The following PIP5K1A variants were observed in gnomAD, a reference collection of about 807,000 sequenced individuals.
PIP5K1A encodes phosphatidylinositol-4-phosphate 5-kinase type 1 alpha.
A neutral mutation model predicts 72.9 loss-of-function variants in PIP5K1A; 46 were observed. The observed-to-expected ratio is 0.63, with a 90% CI of 0.50 to 0.81. The LOEUF (loss-of-function observed/expected upper bound fraction) is 0.81, where lower values mean the gene tolerates loss of function less well. PIP5K1A is among the 30% of genes least tolerant of loss of function. The pLI is 0.00. For synonymous variants in PIP5K1A, 228 were observed against 255.1 expected, an observed-to-expected ratio of 0.89 and a Z score of 1.01; for missense variants, 458 against 706.1, an observed-to-expected ratio of 0.65 and a Z score of 3.98.
At position 151,199,098 on chromosome 1, in the gene PIP5K1A, G is replaced by C; in HGVS notation, c.85+17G>C. 2.5e-6 allele frequency: 4 copies of C among 1,613,994 alleles called. No homozygotes were observed. The South Asian group carries it at 3.3e-5, about 13-fold the overall frequency. On this transcript the variant is annotated intron_variant, in intron 1 of 15. Transcript: ENST00000368888. Reference sequence around the variant, plus strand: ...TGTCCTCAGGTAAGCCCGGCAGGGCGTGGGTAGGGAGCTGGTGAGGAATAT... The same window carrying C: ...TGTCCTCAGGTAAGCCCGGCAGGGCCTGGGTAGGGAGCTGGTGAGGAATAT...
At chr1:151,230,789 C>G (rs587701107) in intron 4 of PIP5K1A, among the ~76,000 whole-genome samples, 1 of 152,368 alleles carries the variant, frequency 6.6e-6, no homozygotes, top group Admixed American at 6.5e-5. Flanking sequence ...GTCTGCCCAC[C>G]TCAGTCTCCC....
At chr1:151,202,267 A>G (rs1685310117) in intron 1 of PIP5K1A, among the ~76,000 whole-genome samples, 2 of 152,320 alleles carry the variant, frequency 1.3e-5, no homozygotes, top group East Asian at 1.9e-4. Flanking sequence ...AGTTTCACCA[A>G]AACTTAAGTG....
chr1:151,195,499 G>T (rs1558218810), upstream of PIP5K1A, among the ~76,000 whole-genome samples: 1 of 152,164 alleles, frequency 6.6e-6, no homozygotes, highest in Non-Finnish European at 1.5e-5. Context: ...GGACACCCCA[G>T]GTACTGAGTG....
At chr1:151,247,738 T>A (rs1029868495) in intron 15 of PIP5K1A, 125 bp from the exon 16 acceptor site, 1 of 801,244 alleles carries the variant, frequency 1.2e-6, no homozygotes, top group Middle Eastern at 2.3e-4. Flanking sequence ...TCTTGTTTTT[T>A]AAAAAATATT....
At chr1:151,200,188 G>GT (rs997576000) in intron 1 of PIP5K1A, among the ~76,000 whole-genome samples, 1 of 151,128 alleles carries the variant, frequency 6.6e-6, no homozygotes, top group Admixed American at 6.6e-5. Context: ...AGAAAGATGG[G>GT]TGGGGGGGTG....
chr1:151,201,657 G>A (rs1317011149), intron 1 of PIP5K1A, among the ~76,000 whole-genome samples: 2 of 151,940 alleles, frequency 1.3e-5, no homozygotes, highest in African/African-American at 4.8e-5. Context: ...TCAGGAGTTC[G>A]AGACCAGCCT....
rs201886237 is a variant in PIP5K1A at position 151,224,395 on chromosome 1, T to C, written c.145T>C (p.Tyr49His). 73 of 1,600,348 alleles carry C rather than the reference T, an allele frequency of 4.6e-5. No individual in the cohort carries two copies. The highest frequency in any genetic ancestry group is 4.5e-5 in the Non-Finnish European group (53 of 1,167,972). ...SEVLEARQDS[Y>H]ISLVPYASGM... ...GGTCTTGGAAGCTAGACAGGATTCTTACATCTCATTGGTAGGCTAGAAATT... is the reference window on the plus strand; with the variant it reads ...GGTCTTGGAAGCTAGACAGGATTCTCACATCTCATTGGTAGGCTAGAAATT... Residue 49 changes from tyrosine to histidine, a missense_variant, in exon 3 of 16, where the codon TAC becomes CAC. Around this residue, in one of 3 missense-constraint regions of PIP5K1A, gnomAD observed 81 missense variants for 88.0 expected, o/e 0.92. Coordinates refer to ENST00000368888, the MANE Select transcript of PIP5K1A (RefSeq NM_001135638.2).
chr1:151,241,365 A>G (rs1294892728), intron 12 of PIP5K1A, among the ~76,000 whole-genome samples: 1 of 149,346 alleles, frequency 6.7e-6, no homozygotes, highest in Non-Finnish European at 1.5e-5. Flanking sequence ...TTAGCCGGGC[A>G]TGGTGGTGGG....
Position 151,231,727 on chromosome 1 carries a change from G to A in PIP5K1A, c.294G>A (p.Gly98=), listed in dbSNP as rs911706595. ...AIQLGITHTV[G]SLSTKPERDV... ...AGTTAGGCATTACCCACACTGTGGG[G>A]AGCCTGAGTACCAAACCAGAGCGTG... Residue 98 remains glycine (G), a synonymous_variant, in exon 5 of 16, where the codon GGG becomes GGA. Coordinates refer to ENST00000368888, the MANE Select transcript of PIP5K1A (RefSeq NM_001135638.2). 2 of 1,613,222 alleles carry A rather than the reference G, an allele frequency of 1.2e-6. No homozygotes were observed. The highest frequency in any genetic ancestry group is 2.2e-5 in the South Asian group (2 of 91,068).
intron 4 of PIP5K1A, among the ~76,000 whole-genome samples, chr1:151,230,098 AAAC>A (rs1478992944): frequency 2.0e-5 from 3 of 152,186 alleles, no homozygotes; most frequent in Non-Finnish European, 4.4e-5. Flanking sequence ...AAGAAAAAAA[AAAC>A]AAAAAACTAG....
intron 1 of PIP5K1A, among the ~76,000 whole-genome samples, chr1:151,214,142 C>T (rs587654289): frequency 5.9e-5 from 9 of 152,116 alleles, no homozygotes; most frequent in South Asian, 2.1e-4. Context: ...TTTATGACTG[C>T]GCCATGATGT....
At chr1:151,215,618 G>T (rs893313985) in intron 1 of PIP5K1A, among the ~76,000 whole-genome samples, 7 of 152,128 alleles carry the variant, frequency 4.6e-5, no homozygotes, top group Admixed American at 4.6e-4. Flanking sequence ...GAGCCTCTGC[G>T]CCCGGCATTC....
At chr1:151,209,875 AT>A (rs71090141) in intron 1 of PIP5K1A, among the ~76,000 whole-genome samples, 27 of 149,402 alleles carry the variant, frequency 1.8e-4, no homozygotes, top group African/African-American at 6.4e-4. Flanking sequence ...ACTAGCCTGC[AT>A]TTTTTTTTCT....
chr1:151,234,680 T>C (rs1241517684), intron 8 of PIP5K1A, among the ~76,000 whole-genome samples, 184 bp downstream of exon 8: 1 of 152,226 alleles, frequency 6.6e-6, no homozygotes, highest in African/African-American at 2.4e-5. Flanking sequence ...CCGTTTATCC[T>C]CCCACAATGG....
chr1:151,198,622 G>A lies in PIP5K1A; in HGVS notation c.-375G>A, dbSNP rs587721844. 6 of 235,786 alleles carry A rather than the reference G, an allele frequency of 2.5e-5. No individual in the cohort carries two copies. In the South Asian group the frequency reaches 3.6e-4, roughly 14 times the overall value. The allele number at this position is 235,786 out of a possible 1,614,324, so 14.6% of individuals were successfully genotyped here. On this transcript the variant is annotated 5_prime_UTR_variant, in exon 1 of 16. Transcript: ENST00000368888. Reference sequence around the variant, plus strand: ...TTAACAGGCCGTGGTTAGGAAGGACGGAGAAGGGGCGTTCGCTCCTTTGGG... The same window carrying A: ...TTAACAGGCCGTGGTTAGGAAGGACAGAGAAGGGGCGTTCGCTCCTTTGGG...
intron 7 of PIP5K1A, among the ~76,000 whole-genome samples, chr1:151,233,996 G>T (rs1690506152): frequency 6.6e-6 from 1 of 152,130 alleles, no homozygotes; most frequent in Non-Finnish European, 1.5e-5. Context: ...TGGAGAGTCT[G>T]TGGCACAGCT....
At chr1:151,210,614 T>A (rs1686669484) in intron 1 of PIP5K1A, among the ~76,000 whole-genome samples, 1 of 152,188 alleles carries the variant, frequency 6.6e-6, no homozygotes, top group African/African-American at 2.4e-5. Flanking sequence ...AGATGGAGTC[T>A]CGCTCTGTTG....
At chr1:151,228,624 T>G (rs1218154230) in intron 4 of PIP5K1A, among the ~76,000 whole-genome samples, 2 of 152,152 alleles carry the variant, frequency 1.3e-5, no homozygotes, top group African/African-American at 4.8e-5. Flanking sequence ...TCCAAATTCT[T>G]GAGTTCTGGA....
rs1362412036 is a variant in PIP5K1A, at chr1:151,242,455, C to T, written c.1528C>T (p.Pro510Ser). Residue 510 changes from proline (P) to serine (S), a missense_variant, in exon 14 of 16, where the codon CCT (proline) becomes TCT (serine). By Grantham distance (74) the Pro-to-Ser change is moderately conservative. Coordinates refer to ENST00000368888, the MANE Select transcript of PIP5K1A (RefSeq NM_001135638.2). The part of the protein sequence containing the change: ...EVEPGVHLGR[P>S]DVLPQTPPLE... ...TTTTCCAGGCGTTCACCTTGGTCGT[C>T]CTGATGTTTTACCTCAGACTCCACC... 6.2e-7 allele frequency: 1 copy of T among 1,613,996 alleles called. No homozygotes were observed. Among genetic ancestry groups the T allele is most frequent in the Non-Finnish European group, 8.5e-7 (1 of 1,180,012 alleles).
Sources: gnomAD v4.1 joint callset for allele counts (sites outside exome capture counted in the v4.1 genomes callset) on GRCh38, gnomAD v4.1.1 for gene constraint, gnomAD v4.1.1 regional missense constraint, MANE v1.5 for transcripts, NCBI Gene and HGNC (gene_info 2026-07-23, HGNC 2026-07-21) for gene names.